The following SLC2A12 variants were observed in gnomAD, a reference collection of about 807,000 sequenced individuals.
SLC2A12 encodes the protein solute carrier family 2 member 12.
Under a neutral mutation model 41.8 loss-of-function variants are expected in SLC2A12, and 23 were observed. The ratio of observed to expected loss-of-function variants is 0.55; its 90% CI spans 0.40 to 0.78. The LOEUF (loss-of-function observed/expected upper bound fraction) is 0.78. Among genes scored for constraint, SLC2A12 ranks in the 30% least tolerant of loss-of-function variants. The pLI is 0.00. For missense variants in SLC2A12, 654 were observed against 745.6 expected, an observed-to-expected ratio of 0.88 and a Z score of 1.43; for synonymous variants, 295 against 285.9, an observed-to-expected ratio of 1.03 and a Z score of -0.32.
chr6:134,035,670 AG>A (rs771304077), intron 1 of SLC2A12, among the ~76,000 whole-genome samples: 9 of 152,174 alleles, frequency 5.9e-5, no homozygotes, highest in Non-Finnish European at 1.0e-4. Context: ...CTCCTGTGAT[AG>A]GAGTGTTAGC....
intron 1 of SLC2A12, among the ~76,000 whole-genome samples, chr6:134,034,516 C>T (rs1192856915): frequency 6.6e-6 from 1 of 152,174 alleles, no homozygotes; most frequent in Non-Finnish European, 1.5e-5. Context: ...GGAAGTTTTC[C>T]TGGTGCTACT....
chr6:134,043,715 C>A (rs1435771479), intron 1 of SLC2A12, among the ~76,000 whole-genome samples: 1 of 150,664 alleles, frequency 6.6e-6, no homozygotes, highest in Non-Finnish European at 1.5e-5. Context: ...TCGCTTGAAC[C>A]CGGGAGGCAG....
At chr6:134,037,144 ATTTTTTTTTTT>A (rs533155835) in intron 1 of SLC2A12, among the ~76,000 whole-genome samples, 5 of 83,310 alleles carry the variant, frequency 6.0e-5, no homozygotes, top group Admixed American at 1.4e-4. Context: ...ACTCGATTCA[ATTTTTTTTTTT>A]TTTTTTTTTT....
intron 4 of SLC2A12, among the ~76,000 whole-genome samples, chr6:133,999,059 C>T (rs1349768958): frequency 2.0e-5 from 3 of 152,078 alleles, no homozygotes; most frequent in African/African-American, 7.2e-5. Flanking sequence ...GAAACTAAAA[C>T]TTTATTAATT....
chr6:134,001,401 AAAC>A (rs1454854800), intron 4 of SLC2A12, among the ~76,000 whole-genome samples: 4 of 152,246 alleles, frequency 2.6e-5, no homozygotes, highest in Non-Finnish European at 5.9e-5. Flanking sequence ...AAATCAGGTA[AAAC>A]AACAATAGTA....
chr6:134,023,793 C>T (rs1224654667), intron 2 of SLC2A12, among the ~76,000 whole-genome samples: 1 of 152,166 alleles, frequency 6.6e-6, no homozygotes, highest in Non-Finnish European at 1.5e-5. Context: ...CAGCAATGGA[C>T]TGAATTTAGG....
intron 4 of SLC2A12, among the ~76,000 whole-genome samples, chr6:134,001,039 C>G (rs958903915): frequency 1.1e-4 from 17 of 152,112 alleles, no homozygotes; most frequent in African/African-American, 4.1e-4. Context: ...TTCCGGGACC[C>G]ACCCCAAACC....
intron 2 of SLC2A12, among the ~76,000 whole-genome samples, chr6:134,020,149 A>T (rs745468095): frequency 6.6e-6 from 1 of 152,226 alleles, no homozygotes; most frequent in Non-Finnish European, 1.5e-5. Context: ...GACGTGGGGC[A>T]TCCACTTTAA....
Position 133,991,075 on chromosome 6 carries a change from G to A in SLC2A12, c.*80C>T, listed in dbSNP as rs1776615419. On this transcript the variant is annotated 3_prime_UTR_variant, in exon 5 of 5. Coordinates refer to ENST00000275230, the MANE Select transcript of SLC2A12 (RefSeq NM_145176.3). ...TCCATGACACTGAAAAGAGAGCACAGGAGTCGCAACTATGCATTGGTCCAA... is the reference window on the plus strand; with the variant it reads ...TCCATGACACTGAAAAGAGAGCACAAGAGTCGCAACTATGCATTGGTCCAA... 2.0e-6 allele frequency: 3 copies of A among 1,464,448 alleles called. No homozygotes were observed. The Admixed American group carries it at 6.8e-5, about 33-fold the overall frequency. The allele number at this position is 1,464,448 out of a possible 1,614,324, so 90.7% of individuals were successfully genotyped here. A position where few individuals can be genotyped will look rare whatever the true frequency, so the allele number is the denominator to read the frequency against.
intron 3 of SLC2A12, among the ~76,000 whole-genome samples, chr6:134,002,800 G>C (rs1776768499): frequency 1.3e-5 from 2 of 152,170 alleles, no homozygotes; most frequent in African/African-American, 4.8e-5. Flanking sequence ...AACTTGCCAA[G>C]ATGCATCACA....
intron 2 of SLC2A12, among the ~76,000 whole-genome samples, chr6:134,007,499 T>C (rs1238530067): frequency 6.6e-6 from 1 of 152,240 alleles, no homozygotes; most frequent in Admixed American, 6.5e-5. Context: ...AGAGAAGTTC[T>C]AAATTAAATA....
At chr6:134,040,405 G>T (rs1241593677) in intron 1 of SLC2A12, among the ~76,000 whole-genome samples, 2 of 152,108 alleles carry the variant, frequency 1.3e-5, no homozygotes, top group Admixed American at 1.3e-4. Context: ...AGCAATGCAA[G>T]AACAGCCTAA....
At chr6:134,050,673 T>C (rs934811582) in intron 1 of SLC2A12, among the ~76,000 whole-genome samples, 1 of 152,232 alleles carries the variant, frequency 6.6e-6, no homozygotes, top group Admixed American at 6.5e-5. Flanking sequence ...ACATTATCAC[T>C]GACTGTATTT....
intron 4 of SLC2A12, 116 bp downstream of exon 4, chr6:134,001,881 G>A: frequency 8.8e-7 from 1 of 1,139,160 alleles, no homozygotes. Context: ...TACGCTAAAG[G>A]GAATGTCCTA....
chr6:134,032,464 A>T (rs1323465319), intron 1 of SLC2A12, among the ~76,000 whole-genome samples: 23 of 34,724 alleles, frequency 6.6e-4, no homozygotes, highest in East Asian at 1.9e-3. Context: ...ATATATATAT[A>T]TTTTTATATA....
rs1336998526 is a variant in SLC2A12 at position 134,015,920 on chromosome 6, C to A, written c.1445-8986G>T. ...CTCATGCTTCCAACATTGATACCCA[C>A]CCTCCAATAGGCTGGTTCAGCTCCA... On this transcript the variant is annotated intron_variant, in intron 2 of 4. Transcript: ENST00000275230. Among the ~76,000 whole-genome samples the A allele has an allele frequency of 4.6e-5, 7 of 152,302 alleles. No individual in the cohort carries two copies. The East Asian group carries it at 1.2e-3, about 25-fold the overall frequency.
chr6:134,043,480 AC>A (rs1293898257), intron 1 of SLC2A12, among the ~76,000 whole-genome samples: 2 of 152,138 alleles, frequency 1.3e-5, no homozygotes, highest in Admixed American at 1.3e-4. Context: ...TGTCACCACT[AC>A]CGTCACTTTT....
intron 2 of SLC2A12, among the ~76,000 whole-genome samples, chr6:134,023,843 G>A (rs912510863): frequency 5.9e-5 from 9 of 152,180 alleles, no homozygotes; most frequent in Non-Finnish European, 1.3e-4. Context: ...ACAGTCACGT[G>A]TATTCTCTCT....
chr6:133,988,638 G>T lies in SLC2A12; in HGVS notation c.*2517C>A, dbSNP rs932811504. Reference sequence around the variant, plus strand: ...TTCTCAATGCCTTCCCTAACCTCCTGCTTATTCCAAAGTGGAAAGCAAAGG... The same window carrying T: ...TTCTCAATGCCTTCCCTAACCTCCTTCTTATTCCAAAGTGGAAAGCAAAGG... On this transcript the variant is annotated 3_prime_UTR_variant, in exon 5 of 5. Transcript: ENST00000275230. 7.2e-5 allele frequency: 11 copies of T among 151,790 alleles called. No individual in the cohort carries two copies. The highest frequency in any genetic ancestry group is 2.7e-4 in the African/African-American group (11 of 41,296). 9.4% of individuals were successfully genotyped at this position (151,790 alleles called of 1,614,324 possible).
Sources: allele counts gnomAD v4.1 joint callset (sites outside exome capture counted in the v4.1 genomes callset), GRCh38; gene constraint gnomAD v4.1.1; transcripts MANE v1.5; gene names NCBI Gene and HGNC (gene_info 2026-07-23, HGNC 2026-07-21).